Variants in FAM13A observed in about 807,000 individuals in gnomAD.
The protein encoded by FAM13A is family with sequence similarity 13 member A, also known as protein FAM13A.
FAM13A carries 76 observed loss-of-function variants against 129.6 expected under a neutral mutation model. That is an observed-to-expected ratio of 0.59 (90% confidence interval 0.49 to 0.71). The LOEUF is 0.71. FAM13A is among the 30% of genes least tolerant of loss of function. The pLI is 0.00. For synonymous variants in FAM13A, 443 were observed against 449.9 expected (o/e 0.98, Z 0.20); for missense variants, 1,108 against 1,249.3 (o/e 0.89, Z 1.70).
chr4:89,025,595 G>GA lies in FAM13A; in HGVS notation c.217+3864dup, dbSNP rs1385966287. Reference sequence around the variant, plus strand: ...ATTGTCTGTAAACGACAGAAGACTGGAAACAATCCATTTGCCCATCAGTAT... The same window carrying GA: ...ATTGTCTGTAAACGACAGAAGACTGGAAAACAATCCATTTGCCCATCAGTAT... On this transcript the variant is annotated intron_variant, in intron 2 of 23. Coordinates refer to ENST00000264344, the MANE Select transcript of FAM13A (RefSeq NM_014883.4). Among the ~76,000 whole-genome samples the GA allele has an allele frequency of 2.6e-5, 4 of 152,260 alleles. No homozygotes were observed. The East Asian group carries it at 5.8e-4, about 22-fold the overall frequency.
At chr4:88,913,582 G>A (rs1749574270) in intron 5 of FAM13A, among the ~76,000 whole-genome samples, 1 of 152,156 alleles carries the variant, frequency 6.6e-6, no homozygotes, top group Admixed American at 6.5e-5. Flanking sequence ...GAAAAAAGAA[G>A]AAGAAGGCGG....
intron 6 of FAM13A, among the ~76,000 whole-genome samples, chr4:88,885,897 A>C (rs1744321766): frequency 6.6e-6 from 1 of 152,210 alleles, no homozygotes; most frequent in South Asian, 2.1e-4. Flanking sequence ...CAAATGGCCA[A>C]TAAACATATG....
At chr4:88,740,585 T>C (rs1356241700) in intron 19 of FAM13A, among the ~76,000 whole-genome samples, 5 of 152,248 alleles carry the variant, frequency 3.3e-5, no homozygotes, top group African/African-American at 4.8e-5. Flanking sequence ...ATTTCACATA[T>C]AATAAGGCAA....
chr4:88,797,229 C>T (rs1304597264), intron 8 of FAM13A, among the ~76,000 whole-genome samples: 1 of 150,524 alleles, frequency 6.6e-6, no homozygotes, highest in Non-Finnish European at 1.5e-5. Context: ...GCTTTTCAAT[C>T]TCTGACTTTC....
chr4:89,037,718 G>A (rs1389440118), intron 1 of FAM13A, among the ~76,000 whole-genome samples: 1 of 152,164 alleles, frequency 6.6e-6, no homozygotes, highest in Non-Finnish European at 1.5e-5. Context: ...GTTGGAGAAG[G>A]GGCCTGGTGG....
chr4:89,015,912 A>T (rs1320535566), intron 3 of FAM13A, among the ~76,000 whole-genome samples: 8 of 152,184 alleles, frequency 5.3e-5, no homozygotes, highest in Non-Finnish European at 7.3e-5. Context: ...ATATACATAT[A>T]CATACATATA....
chr4:88,886,846 G>A (rs951534040), intron 6 of FAM13A, among the ~76,000 whole-genome samples: 4 of 151,888 alleles, frequency 2.6e-5, no homozygotes, highest in African/African-American at 9.7e-5. Flanking sequence ...GGTGGAGGTT[G>A]CAGTGAGCTG....
intron 3 of FAM13A, among the ~76,000 whole-genome samples, chr4:88,999,814 C>G (rs1396544936): frequency 6.6e-6 from 1 of 152,154 alleles, no homozygotes; most frequent in African/African-American, 2.4e-5. Flanking sequence ...CACGGCTTGA[C>G]AGAGTTAGGG....
chr4:88,746,976 G>C lies in FAM13A; in HGVS notation c.2422C>G (p.Leu808Val). The change falls in exon 19 of 24, where the codon CTG (leucine) becomes GTG (valine). Residue 808 changes from leucine to valine, a missense_variant. Physicochemically the swap from Leu to Val is conservative, Grantham distance 32 (BLOSUM62 1). This residue lies in a region of FAM13A where 529 missense variants were observed against 621.2 expected (regional missense o/e 0.85). Coordinates refer to ENST00000264344, the MANE Select transcript of FAM13A (RefSeq NM_014883.4). ...TCATAATATAACAGAGCTTTCTGCA[G>C]AGCCACTTTCTCATTAGCAATCTGG... The part of the protein sequence containing the change: ...KDQIANEKVA[L>V]QKALLYYESI... 6.2e-7 allele frequency: 1 copy of C among 1,613,776 alleles called. No individual in the cohort carries two copies. The highest frequency in any genetic ancestry group is 1.1e-5 in the South Asian group (1 of 91,070).
chr4:88,737,988 G>A (rs1021161200), intron 20 of FAM13A, among the ~76,000 whole-genome samples: 4 of 152,186 alleles, frequency 2.6e-5, no homozygotes, highest in African/African-American at 7.2e-5. Context: ...GACACTAAGG[G>A]TTCCTGCCTG....
At chr4:89,026,299 T>C (rs1767946716) in intron 2 of FAM13A, among the ~76,000 whole-genome samples, 1 of 152,250 alleles carries the variant, frequency 6.6e-6, no homozygotes, top group Non-Finnish European at 1.5e-5. Context: ...TGTCATGCTA[T>C]GTGTAACACT....
chr4:89,055,708 A>G (rs1772129514), intron 1 of FAM13A, among the ~76,000 whole-genome samples: 1 of 152,198 alleles, frequency 6.6e-6, no homozygotes, highest in Admixed American at 6.5e-5. Flanking sequence ...ACACATAGAT[A>G]AATCAGATTT....
chr4:88,767,709 A>G, intron 12 of FAM13A, 114 bp from the exon 13 acceptor site: 1 of 823,792 alleles, frequency 1.2e-6, no homozygotes, highest in East Asian at 2.7e-5. Flanking sequence ...CTCTAAGCCA[A>G]ATACTTATAA....
At chr4:88,970,705 T>C (rs1759963703) in intron 4 of FAM13A, among the ~76,000 whole-genome samples, 2 of 151,950 alleles carry the variant, frequency 1.3e-5, no homozygotes, top group Non-Finnish European at 2.9e-5. Context: ...AAAGAAGAAG[T>C]CATAATTGAA....
chr4:88,962,463 G>A (rs1758762345), intron 4 of FAM13A, among the ~76,000 whole-genome samples: 1 of 152,152 alleles, frequency 6.6e-6, no homozygotes, highest in African/African-American at 2.4e-5. Flanking sequence ...GGAAAGAAAG[G>A]AGGTGGGAAA....
chr4:88,858,287 T>C (rs1264223597), intron 6 of FAM13A, among the ~76,000 whole-genome samples: 1 of 152,212 alleles, frequency 6.6e-6, no homozygotes, highest in Non-Finnish European at 1.5e-5. Context: ...TTTACAAAGT[T>C]ATTTGCTCAA....
At chr4:89,036,185 C>T (rs1219107874) in intron 1 of FAM13A, among the ~76,000 whole-genome samples, 1 of 152,132 alleles carries the variant, frequency 6.6e-6, no homozygotes, top group Admixed American at 6.6e-5. Flanking sequence ...GATCAAAATG[C>T]TGATAGTGAT....
chr4:88,818,517 A>C (rs531289406), intron 7 of FAM13A, among the ~76,000 whole-genome samples: 32 of 152,340 alleles, frequency 2.1e-4, no homozygotes, highest in African/African-American at 7.0e-4. Flanking sequence ...ATGATCCTAA[A>C]ATTTGAAAAT....
chr4:89,027,923 G>A (rs1299728606), intron 2 of FAM13A, among the ~76,000 whole-genome samples: 2 of 151,996 alleles, frequency 1.3e-5, no homozygotes, highest in African/African-American at 2.4e-5. Context: ...ATGAATTGGT[G>A]GCCGGGTGCA....
Sources: allele counts gnomAD v4.1 joint callset (sites outside exome capture counted in the v4.1 genomes callset), GRCh38; gene constraint gnomAD v4.1.1; regional missense constraint gnomAD v4.1.1; transcripts MANE v1.5; gene names NCBI Gene and HGNC (gene_info 2026-07-23, HGNC 2026-07-21).